Variants in EGR1 observed in about 807,000 individuals in gnomAD.
EGR1 encodes the protein early growth response protein 1.
A neutral mutation model predicts 30.2 loss-of-function variants in EGR1; 8 were observed. That is an observed-to-expected ratio of 0.26 (90% CI 0.16 to 0.48). The LOEUF (loss-of-function observed/expected upper bound fraction) is 0.48. Among genes scored for constraint, EGR1 ranks in the 20% least tolerant of loss-of-function variants. The pLI, the probability that EGR1 is intolerant of heterozygous loss-of-function variation, is 0.99. For synonymous variants in EGR1, 334 were observed against 312.8 expected, an observed-to-expected ratio of 1.07 and a Z score of -0.72; for missense variants, 568 against 732.3, an observed-to-expected ratio of 0.78 and a Z score of 2.59.
rs770687242 is a variant in EGR1, at chr5:138,465,660, G to T, written c.-102G>T. On this transcript the variant is annotated 5_prime_UTR_variant, in exon 1 of 2. Coordinates refer to ENST00000239938, the MANE Select transcript of EGR1 (RefSeq NM_001964.3). ...CGCTTCTCAGTGTTCCCCGCGCCCC[G>T]CATGTAACCCGGCCAGGCCCCCGCA... 9.8e-5 allele frequency: 129 copies of T among 1,318,538 alleles called. No homozygotes were observed. Among genetic ancestry groups the T allele is most frequent in the Non-Finnish European group, 1.2e-4 (123 of 1,006,982 alleles). 81.7% of individuals were successfully genotyped at this position (1,318,538 alleles called of 1,614,324 possible). A position where few individuals can be genotyped will look rare whatever the true frequency, so the allele number is the denominator to read the frequency against.
rs767122422 is a variant in EGR1 at position 138,466,903 on chromosome 5, G to A, written c.454G>A (p.Glu152Lys). 3.7e-6 allele frequency: 6 copies of A among 1,613,930 alleles called. No individual in the cohort carries two copies. The highest frequency in any genetic ancestry group is 1.7e-5 in the Admixed American group (1 of 59,986). Residue 152 changes from glutamate (E) to lysine (K), a missense_variant, in exon 2 of 2, where the codon GAG becomes AAG. Physicochemically the swap from Glu to Lys is moderately conservative, Grantham distance 56 (BLOSUM62 1). Coordinates refer to ENST00000239938, the MANE Select transcript of EGR1 (RefSeq NM_001964.3). ...CAACAGTGGCAACACCTTGTGGCCC[G>A]AGCCCCTCTTCAGCTTGGTCAGTGG... ...APNSGNTLWP[E>K]PLFSLVSGLV...
rs1764166848 is a variant in EGR1 at position 138,466,988 on chromosome 5, C to T, written c.539C>T (p.Ser180Phe). The T allele has an allele frequency of 6.2e-7, 1 of 1,613,978 alleles. No individual in the cohort carries two copies. The change falls in exon 2 of 2, where the codon TCC (serine) becomes TTC (phenylalanine). Residue 180 changes from serine (S) to phenylalanine (F), a missense_variant. Ser to Phe is a radical substitution (Grantham distance 155, BLOSUM62 -2). Coordinates refer to ENST00000239938, the MANE Select transcript of EGR1 (RefSeq NM_001964.3). ...TCCTCAGCACCATCTCCAGCGGCCT[C>T]CTCCGCCTCCGCCTCCCAGAGCCCA... is the stretch of plus-strand genomic sequence containing the variant. Reference protein sequence around the residue: ...SSSSAPSPAASSASASQSPPL... With the variant: ...SSSSAPSPAAFSASASQSPPL...
chr5:138,465,533 G>A lies in EGR1; in HGVS notation c.-229G>A. ...GCCGCCGCCGCCATCCGCCGCCGCA[G>A]CCAGCTTCCGCCGCCGCAGGACCGG... On this transcript the variant is annotated 5_prime_UTR_variant, in exon 1 of 2. Transcript: ENST00000239938. 3.3e-6 allele frequency: 1 copy of A among 301,406 alleles called. No individual in the cohort carries two copies. Among genetic ancestry groups the A allele is most frequent in the African/African-American group, 2.2e-5 (1 of 45,376 alleles). The allele number at this position is 301,406 out of a possible 1,614,324, so 18.7% of individuals were successfully genotyped here.
At position 138,466,054 on chromosome 5, in the gene EGR1, A is replaced by G; in HGVS notation, c.293A>G (p.Glu98Gly). 1 of 1,585,722 alleles carries G rather than the reference A, an allele frequency of 6.3e-7. No homozygotes were observed. Among genetic ancestry groups the G allele is most frequent in the Non-Finnish European group, 8.6e-7 (1 of 1,167,554 alleles). The change falls in exon 1 of 2, where the codon GAG (glutamate) becomes GGG (glycine). Residue 98 changes from glutamate (E) to glycine (G), a missense_variant. Physicochemically the swap from Glu to Gly is moderately conservative, Grantham distance 98 (BLOSUM62 -2). Coordinates refer to ENST00000239938, the MANE Select transcript of EGR1 (RefSeq NM_001964.3). ...PQADTGEQPY[E>G]HLTAESFPDI... ...GCGGACACGGGCGAGCAGCCCTACG[A>G]GCACCTGACCGCAGGTAAGCAGTGG...
At chr5:138,466,165 C>A in intron 1 of EGR1, 97 bp downstream of exon 1, 1 of 1,436,694 alleles carries the variant, frequency 7.0e-7, no homozygotes, top group Non-Finnish European at 9.1e-7. Flanking sequence ...GAATGAGAGC[C>A]GGGTTTCCCT....
Position 138,467,865 on chromosome 5 carries a change from C to A in EGR1, c.1416C>A (p.Thr472=). The change falls in exon 2 of 2, where the codon ACC becomes ACA. Residue 472 remains threonine, a synonymous_variant. Coordinates refer to ENST00000239938, the MANE Select transcript of EGR1 (RefSeq NM_001964.3). This position sits in a 1 kb window ranked among gnomAD's most constrained non-coding sequence, Gnocchi z 8.3. ...ATTSYPSPVP[T]SFSSPGSSTY... Reference sequence around the variant, plus strand: ...CCTCATACCCATCCCCTGTGCCCACCTCCTTCTCCTCTCCCGGCTCCTCGA... The same window carrying A: ...CCTCATACCCATCCCCTGTGCCCACATCCTTCTCCTCTCCCGGCTCCTCGA... 1 of 1,613,980 alleles carries A rather than the reference C, an allele frequency of 6.2e-7. No homozygotes were observed. Among genetic ancestry groups the A allele is most frequent in the Non-Finnish European group, 8.5e-7 (1 of 1,179,936 alleles).
rs767439005 is a variant in EGR1, at chr5:138,465,886, G to A, written c.125G>A (p.Ser42Asn). ...AAGCTGGAGGAGATGATGCTGCTGA[G>A]CAACGGGGCTCCCCAGTTCCTCGGC... is the stretch of plus-strand genomic sequence containing the variant. The part of the protein sequence containing the change: ...YPKLEEMMLL[S>N]NGAPQFLGAA... Residue 42 changes from serine to asparagine, a missense_variant, in exon 1 of 2, where the codon AGC becomes AAC. By Grantham distance (46) the Ser-to-Asn change is conservative. Coordinates refer to ENST00000239938, the MANE Select transcript of EGR1 (RefSeq NM_001964.3). 1.9e-5 allele frequency: 31 copies of A among 1,613,954 alleles called. No homozygotes were observed. The South Asian group carries it at 3.1e-4, about 16-fold the overall frequency.
chr5:138,468,514 T>A lies in EGR1; in HGVS notation c.*433T>A, dbSNP rs908313859. The stretch of plus-strand genomic sequence containing the variant: ...TCTGTGCCATGGATTTCGTTTTTCT[T>A]GGGGTACTCTTGATGTGAAGATAAT... On this transcript the variant is annotated 3_prime_UTR_variant, in exon 2 of 2. Transcript: ENST00000239938. The A allele has an allele frequency of 4.5e-6, 1 of 221,102 alleles. No individual in the cohort carries two copies. The highest frequency in any genetic ancestry group is 9.5e-6 in the Non-Finnish European group (1 of 104,886). The allele number at this position is 221,102 out of a possible 1,614,324, so 13.7% of individuals were successfully genotyped here.
Position 138,467,252 on chromosome 5 carries a change from C to T in EGR1, c.803C>T (p.Thr268Ile), listed in dbSNP as rs775094635. 1 of 1,613,892 alleles carries T rather than the reference C, an allele frequency of 6.2e-7. No individual in the cohort carries two copies. The highest frequency in any genetic ancestry group is 8.5e-7 in the Non-Finnish European group (1 of 1,180,026). The change falls in exon 2 of 2, where the codon ACC (threonine) becomes ATC (isoleucine). Residue 268 changes from threonine to isoleucine, a missense_variant. Thr to Ile is a moderately conservative substitution (Grantham distance 89). Transcript: ENST00000239938. This position sits in a 1 kb window ranked among gnomAD's most constrained non-coding sequence, Gnocchi z 8.3. ...CAGCAGGGGGATCTGGGCCTGGGCACCCCAGACCAGAAGCCCTTCCAGGGC... is the reference window on the plus strand; with the variant it reads ...CAGCAGGGGGATCTGGGCCTGGGCATCCCAGACCAGAAGCCCTTCCAGGGC... Reference protein sequence around the residue: ...PQQQGDLGLGTPDQKPFQGLE... With the variant: ...PQQQGDLGLGIPDQKPFQGLE...
chr5:138,467,323 A>G lies in EGR1; in HGVS notation c.874A>G (p.Ile292Val). The G allele has an allele frequency of 6.2e-7, 1 of 1,613,994 alleles. No individual in the cohort carries two copies. Among genetic ancestry groups the G allele is most frequent in the Non-Finnish European group, 8.5e-7 (1 of 1,179,998 alleles). Residue 292 changes from isoleucine to valine, a missense_variant, in exon 2 of 2, where the codon ATT (isoleucine) becomes GTT (valine). Transcript: ENST00000239938. This position sits in a 1 kb window ranked among gnomAD's most constrained non-coding sequence, Gnocchi z 8.3. ...GCCTTCGCTAACCCCTCTGTCTACTATTAAGGCCTTTGCCACTCAGTCGGG... is the reference window on the plus strand; with the variant it reads ...GCCTTCGCTAACCCCTCTGTCTACTGTTAAGGCCTTTGCCACTCAGTCGGG... ...QQPSLTPLSTIKAFATQSGSQ... is the reference protein window; with the variant it reads ...QQPSLTPLSTVKAFATQSGSQ...
intron 1 of EGR1, among the ~76,000 whole-genome samples, 182 bp from the exon 2 acceptor site, chr5:138,466,575 T>C (rs1764160957): frequency 6.6e-6 from 1 of 152,244 alleles, no homozygotes; most frequent in African/African-American, 2.4e-5. Context: ...TCAGCTGTTG[T>C]TGAAATGGGC....
Position 138,468,477 on chromosome 5 carries a change from C to G in EGR1, c.*396C>G, listed in dbSNP as rs1764189112. ...GGCCCCTCAGAGCCCTGCCCTGCAC[C>G]CTTGTACAGTGTCTGTGCCATGGAT... On this transcript the variant is annotated 3_prime_UTR_variant, in exon 2 of 2. Transcript: ENST00000239938. 3.0e-6 allele frequency: 1 copy of G among 328,338 alleles called. No homozygotes were observed. The highest frequency in any genetic ancestry group is 6.1e-6 in the Non-Finnish European group (1 of 163,312). 20.3% of individuals were successfully genotyped at this position (328,338 alleles called of 1,614,324 possible).
In EGR1 at chr5:138,466,065, G is replaced by T. The variant is rs1317735632; in HGVS notation, c.304G>T (p.Ala102Ser). ...CGAGCAGCCCTACGAGCACCTGACC[G>T]CAGGTAAGCAGTGGCCTACGCCGAG... ...TGEQPYEHLT[A>S]ESFPDISLNN... is the part of the protein sequence containing the mutation. Residue 102 changes from alanine (A) to serine (S), a missense_variant, in exon 1 of 2, where the codon GCA (alanine) becomes TCA (serine). Coordinates refer to ENST00000239938, the MANE Select transcript of EGR1 (RefSeq NM_001964.3). The T allele has an allele frequency of 8.3e-6, 13 of 1,573,916 alleles. No homozygotes were observed. Among genetic ancestry groups the T allele is most frequent in the Non-Finnish European group, 1.1e-5 (13 of 1,162,082 alleles).
In EGR1 at chr5:138,466,017, T is replaced by A; in HGVS notation, c.256T>A (p.Phe86Ile). 6.2e-7 allele frequency: 1 copy of A among 1,607,014 alleles called. No homozygotes were observed. The change falls in exon 1 of 2, where the codon TTC (phenylalanine) becomes ATC (isoleucine). Residue 86 changes from phenylalanine to isoleucine, a missense_variant. Phe to Ile is a conservative substitution (Grantham distance 21, BLOSUM62 0). Around this residue, in one of 4 missense-constraint regions of EGR1, gnomAD observed 415 missense variants for 445.2 expected, o/e 0.93. Coordinates refer to ENST00000239938, the MANE Select transcript of EGR1 (RefSeq NM_001964.3). ...GSNSSSSSST[F>I]NPQADTGEQP... ...CAACAGCAGCAGCAGCAGCAGCACC[T>A]TCAACCCTCAGGCGGACACGGGCGA...
At position 138,468,015 on chromosome 5, in the gene EGR1, C is replaced by G; in HGVS notation, c.1566C>G (p.Phe522Leu). The change falls in exon 2 of 2, where the codon TTC becomes TTG. Residue 522 changes from phenylalanine (F) to leucine (L), a missense_variant. Phe to Leu is a conservative substitution (Grantham distance 22). Around this residue, in one of 4 missense-constraint regions of EGR1, gnomAD observed 118 missense variants for 161.6 expected, o/e 0.73. Transcript: ENST00000239938. Reference sequence around the variant, plus strand: ...CTTCCTCAGCTGTCACCAACTCCTTCAGCGCCTCCACAGGGCTTTCGGACA... The same window carrying G: ...CTTCCTCAGCTGTCACCAACTCCTTGAGCGCCTCCACAGGGCTTTCGGACA... ...SFPSSAVTNSFSASTGLSDMT... is the reference protein window; with the variant it reads ...SFPSSAVTNSLSASTGLSDMT... 6.2e-7 allele frequency: 1 copy of G among 1,612,650 alleles called. No homozygotes were observed. The highest frequency in any genetic ancestry group is 1.1e-5 in the South Asian group (1 of 90,870).
chr5:138,466,894 T>C lies in EGR1; in HGVS notation c.445T>C (p.Leu149=), dbSNP rs1463402275. 11 of 1,613,878 alleles carry C rather than the reference T, an allele frequency of 6.8e-6. No individual in the cohort carries two copies. The highest frequency in any genetic ancestry group is 1.1e-5 in the South Asian group (1 of 91,084). The stretch of plus-strand genomic sequence containing the variant: ...GCCTGCACCCAACAGTGGCAACACC[T>C]TGTGGCCCGAGCCCCTCTTCAGCTT... The part of the protein sequence containing the change: ...LEPAPNSGNT[L]WPEPLFSLVS... The change falls in exon 2 of 2, where the codon TTG becomes CTG. Residue 149 remains leucine, a synonymous_variant. Coordinates refer to ENST00000239938, the MANE Select transcript of EGR1 (RefSeq NM_001964.3).
At position 138,468,468 on chromosome 5, in the gene EGR1, G is replaced by A; in HGVS notation, c.*387G>A. 2.5e-6 allele frequency: 1 copy of A among 399,600 alleles called. No homozygotes were observed. Among genetic ancestry groups the A allele is most frequent in the South Asian group, 1.8e-5 (1 of 54,182 alleles). 24.8% of individuals were successfully genotyped at this position (399,600 alleles called of 1,614,324 possible). On this transcript the variant is annotated 3_prime_UTR_variant, in exon 2 of 2. Transcript: ENST00000239938. ...TGGGGTTTGGGCCCCTCAGAGCCCT[G>A]CCCTGCACCCTTGTACAGTGTCTGT...
Position 138,466,763 on chromosome 5 carries a change from T to C in EGR1, c.314T>C (p.Phe105Ser). The change falls in exon 2 of 2, where the codon TTT (phenylalanine) becomes TCT (serine). Residue 105 changes from phenylalanine to serine, a missense_variant. By Grantham distance (155) the Phe-to-Ser change is radical. This residue lies in a region of EGR1 where 415 missense variants were observed against 445.2 expected (regional missense o/e 0.93). Transcript: ENST00000239938. ...QPYEHLTAES[F>S]PDISLNNEKV... ...CTTCTCTCTCTCCTGCCAGAGTCTTTTCCTGACATCTCTCTGAACAACGAG... is the reference window on the plus strand; with the variant it reads ...CTTCTCTCTCTCCTGCCAGAGTCTTCTCCTGACATCTCTCTGAACAACGAG... 6 of 1,609,452 alleles carry C rather than the reference T, an allele frequency of 3.7e-6. No homozygotes were observed. The highest frequency in any genetic ancestry group is 5.1e-6 in the Non-Finnish European group (6 of 1,176,244).
In EGR1 at chr5:138,465,588, C is replaced by A; in HGVS notation, c.-174C>A. The A allele has an allele frequency of 1.8e-6, 1 of 560,348 alleles. No homozygotes were observed. The highest frequency in any genetic ancestry group is 2.7e-6 in the Non-Finnish European group (1 of 374,606). 34.7% of individuals were successfully genotyped at this position (560,348 alleles called of 1,614,324 possible). Reference sequence around the variant, plus strand: ...TGCCCCAGCCTCCGCAGCCGCGGCGCGTCCACGCCCGCCCGCGCCCAGGGC... The same window carrying A: ...TGCCCCAGCCTCCGCAGCCGCGGCGAGTCCACGCCCGCCCGCGCCCAGGGC... On this transcript the variant is annotated 5_prime_UTR_variant, in exon 1 of 2. Coordinates refer to ENST00000239938, the MANE Select transcript of EGR1 (RefSeq NM_001964.3).
Sources: allele counts gnomAD v4.1 joint callset (sites outside exome capture counted in the v4.1 genomes callset), GRCh38; gene constraint gnomAD v4.1.1; regional missense constraint gnomAD v4.1.1; non-coding constraint Gnocchi (gnomAD v3.1); transcripts MANE v1.5; gene names NCBI Gene and HGNC (gene_info 2026-07-23, HGNC 2026-07-21).